Variants in ORC3 observed in about 807,000 individuals in gnomAD.
ORC3 encodes the protein homolog of latheo, Drosophila.
Under a neutral mutation model 100.7 loss-of-function variants are expected in ORC3, and 78 were observed. The ratio of observed to expected loss-of-function variants is 0.77; its 90% CI spans 0.65 to 0.94. The LOEUF (loss-of-function observed/expected upper bound fraction) is 0.94. Among genes scored for constraint, ORC3 ranks in the 40% least tolerant of loss-of-function variants. The pLI is 0.00. For synonymous variants in ORC3, 295 were observed against 289.3 expected (o/e 1.02, Z -0.20); for missense variants, 789 against 823.9 (o/e 0.96, Z 0.52).
At chr6:87,657,034 C>A in intron 15 of ORC3, 52 bp downstream of exon 15, 1 of 1,193,124 alleles carries the variant, frequency 8.4e-7, no homozygotes, top group South Asian at 1.2e-5. Context: ...TCCCTTTTTT[C>A]AGTTTGTGCT....
At chr6:87,658,184 G>A (rs1055897632) in intron 16 of ORC3, among the ~76,000 whole-genome samples, 166 bp downstream of exon 16, 6 of 152,170 alleles carry the variant, frequency 3.9e-5, no homozygotes, top group African/African-American at 1.4e-4. Context: ...TAGGCCAGGC[G>A]TGGTGGCTCA....
the ORC3 span, among the ~76,000 whole-genome samples, chr6:87,677,043 C>T: frequency 3.3e-5 from 5 of 150,512 alleles, no homozygotes; most frequent in Admixed American, 1.3e-4. Context: ...CGCCACTGCA[C>T]TCCAGCCTTG....
At position 87,653,227 on chromosome 6, in the gene ORC3, G is replaced by A; in HGVS notation, c.1494G>A (p.Leu498=). The A allele has an allele frequency of 6.2e-7, 1 of 1,613,734 alleles. No individual in the cohort carries two copies. Among genetic ancestry groups the A allele is most frequent in the Middle Eastern group, 1.6e-4 (1 of 6,062 alleles). The change falls in exon 14 of 20, where the codon CTG becomes CTA. Residue 498 remains leucine, a synonymous_variant. Coordinates refer to ENST00000392844, the MANE Select transcript of ORC3 (RefSeq NM_012381.4). ...CAGCTAAGAGAATAGAGGAGTTCCT[G>A]GCCCAGTTTCAGAGCCTCGATGGTA... ...GSTAKRIEEF[L]AQFQSLDETK...
At chr6:87,616,623 C>T (rs752537312) in intron 9 of ORC3, among the ~76,000 whole-genome samples, 196 bp downstream of exon 9, 2 of 152,084 alleles carry the variant, frequency 1.3e-5, no homozygotes, top group African/African-American at 4.8e-5. Context: ...ATTAGGATAT[C>T]AATAATGGGA....
intron 13 of ORC3, among the ~76,000 whole-genome samples, chr6:87,637,030 G>A (rs1245152138): frequency 6.6e-6 from 1 of 152,082 alleles, no homozygotes; most frequent in African/African-American, 2.4e-5. Context: ...TAGTGTTAAA[G>A]TTATTATTTA....
At chr6:87,624,773 C>T (rs528219607) in intron 11 of ORC3, among the ~76,000 whole-genome samples, 4 of 152,016 alleles carry the variant, frequency 2.6e-5, no homozygotes, top group Admixed American at 6.6e-5. Context: ...ATATGTGTGC[C>T]GTGTTGGTTT....
At position 87,597,719 on chromosome 6, in the gene ORC3, A is replaced by G. The variant is rs559255375; in HGVS notation, c.79+3312A>G. Reference sequence around the variant, plus strand: ...CACACACACACACACACATATATATATAATTTTTTTTTAAAATAGAGATGG... The same window carrying G: ...CACACACACACACACACATATATATGTAATTTTTTTTTAAAATAGAGATGG... On this transcript the variant is annotated intron_variant, in intron 2 of 19. Transcript: ENST00000392844. Among the ~76,000 whole-genome samples, 9 of 151,734 alleles carry G rather than the reference A, an allele frequency of 5.9e-5. No homozygotes were observed. The South Asian group carries it at 1.9e-3, about 32-fold the overall frequency.
chr6:87,666,354 A>T (rs768832351), intron 19 of ORC3, among the ~76,000 whole-genome samples: 5 of 149,596 alleles, frequency 3.3e-5, no homozygotes, highest in East Asian at 1.9e-4. Context: ...CTGGTCTCGA[A>T]CTCCTGACCT....
At chr6:87,656,116 T>C (rs1044298980) in intron 14 of ORC3, among the ~76,000 whole-genome samples, 1 of 152,190 alleles carries the variant, frequency 6.6e-6, no homozygotes. Context: ...GCAGTTATGG[T>C]TTTCTTTCCC....
intron 12 of ORC3, 102 bp from the exon 13 acceptor site, chr6:87,636,305 T>C: frequency 4.3e-6 from 3 of 702,272 alleles, no homozygotes; most frequent in African/African-American, 1.8e-5. Context: ...AAAATGACTT[T>C]TAATAACATT....
intron 13 of ORC3, among the ~76,000 whole-genome samples, chr6:87,645,109 T>TA (rs76055029): frequency 4.5e-4 from 66 of 147,368 alleles, no homozygotes; most frequent in East Asian, 3.9e-3. Context: ...GCCCATCCAT[T>TA]AAAAAAAAAA....
chr6:87,594,603 A>G (rs1245777155), intron 2 of ORC3, 196 bp downstream of exon 2: 4 of 1,235,406 alleles, frequency 3.2e-6, no homozygotes, highest in Non-Finnish European at 4.1e-6. Flanking sequence ...ATCCAATTAC[A>G]CCTTCCAAAG....
intron 8 of ORC3, among the ~76,000 whole-genome samples, chr6:87,615,150 G>C (rs1420999033): frequency 6.6e-6 from 1 of 152,168 alleles, no homozygotes; most frequent in African/African-American, 2.4e-5. Flanking sequence ...TACATGGCTG[G>C]TAGCAGGCAA....
intron 3 of ORC3, among the ~76,000 whole-genome samples, chr6:87,602,953 TA>T (rs1389770601): frequency 7.1e-5 from 7 of 97,928 alleles, no homozygotes; most frequent in Admixed American, 2.4e-4. Flanking sequence ...TACACATATA[TA>T]ATATATATAT....
At chr6:87,609,018 T>C in intron 6 of ORC3, 78 bp from the exon 7 acceptor site, 1 of 1,151,170 alleles carries the variant, frequency 8.7e-7, no homozygotes, top group South Asian at 2.0e-5. Flanking sequence ...AAGAGAGATA[T>C]GTCAACATGT....
intron 9 of ORC3, among the ~76,000 whole-genome samples, chr6:87,616,951 C>T (rs1243567369): frequency 6.6e-6 from 1 of 152,134 alleles, no homozygotes; most frequent in African/African-American, 2.4e-5. Flanking sequence ...GTGCGTGCCA[C>T]CACGCCTGGC....
At chr6:87,615,944 A>T (rs569194825) in intron 8 of ORC3, among the ~76,000 whole-genome samples, 1 of 152,312 alleles carries the variant, frequency 6.6e-6, no homozygotes, top group African/African-American at 2.4e-5. Context: ...TTGAATCAGT[A>T]GTAATGAAAA....
At chr6:87,609,504 C>T (rs1275985240) in intron 7 of ORC3, 3 of 260,250 alleles carry the variant, frequency 1.2e-5, no homozygotes, top group Non-Finnish European at 2.2e-5. Flanking sequence ...CTGTCTCTTA[C>T]TCACCCATTA....
At chr6:87,662,973 TA>T in intron 16 of ORC3, 29 bp from the exon 17 acceptor site, 2 of 1,540,402 alleles carry the variant, frequency 1.3e-6, no homozygotes, top group African/African-American at 1.4e-5. Flanking sequence ...TGTGCTTATC[TA>T]AACATGGATG....
Sources: gnomAD v4.1 joint callset for allele counts (sites outside exome capture counted in the v4.1 genomes callset) on GRCh38, gnomAD v4.1.1 for gene constraint, MANE v1.5 for transcripts, NCBI Gene and HGNC (gene_info 2026-07-23, HGNC 2026-07-21) for gene names.